VRK2: variants seen among roughly 807,000 people sequenced by gnomAD.
VRK2 encodes the protein VRK serine/threonine kinase 2.
Under a neutral mutation model 57.6 loss-of-function variants are expected in VRK2, and 60 were observed. The observed-to-expected ratio is 1.04, with a 90% CI of 0.85 to 1.29. The LOEUF (loss-of-function observed/expected upper bound fraction) is 1.29. VRK2 is among the 50% of genes most tolerant of loss of function. The pLI, the probability that VRK2 is intolerant of heterozygous loss-of-function variation, is 0.00. For missense variants in VRK2, 705 were observed against 588.1 expected (o/e 1.20, Z -2.06); for synonymous variants, 231 against 199.2 (o/e 1.16, Z -1.35).
intron 1 of VRK2, among the ~76,000 whole-genome samples, chr2:57,950,732 T>C (rs1671400994): frequency 6.6e-6 from 1 of 152,204 alleles, no homozygotes; most frequent in Non-Finnish European, 1.5e-5. Flanking sequence ...GTGATTCTTC[T>C]GATGAATCCG....
At chr2:58,137,224 C>CATATATATGATACACATGTATCATAT (rs147019487) in intron 10 of VRK2, among the ~76,000 whole-genome samples, 1 of 65,146 alleles carries the variant, frequency 1.5e-5, no homozygotes, top group African/African-American at 8.4e-5. Flanking sequence ...ACATATATAT[C>CATATATATGATACACATGTATCATAT]ATATGATACA....
chr2:58,123,263 T>C (rs772738576), intron 8 of VRK2, 30 bp downstream of exon 8: 2 of 1,571,308 alleles, frequency 1.3e-6, no homozygotes, highest in Non-Finnish European at 8.6e-7. Flanking sequence ...TTCTTATTTT[T>C]ATTTCAGAAG....
At chr2:58,047,132 G>T in intron 1 of VRK2, 2 of 363,370 alleles carry the variant, frequency 5.5e-6, no homozygotes, top group Non-Finnish European at 7.7e-6. Flanking sequence ...CGGAAAAGTG[G>T]GTGGAGTTTC....
At chr2:58,095,186 C>T (rs963925236) in intron 7 of VRK2, among the ~76,000 whole-genome samples, 3 of 149,916 alleles carry the variant, frequency 2.0e-5, no homozygotes, top group Non-Finnish European at 4.4e-5. Context: ...CCCAGCCACT[C>T]GGGAGGCTGA....
At chr2:58,144,242 C>G (rs926308441) in intron 11 of VRK2, among the ~76,000 whole-genome samples, 7 of 151,686 alleles carry the variant, frequency 4.6e-5, no homozygotes, top group Non-Finnish European at 8.8e-5. Flanking sequence ...CGGGATGAGA[C>G]CTGGGGAAAA....
chr2:57,996,772 T>C (rs927959938), intron 1 of VRK2, among the ~76,000 whole-genome samples: 11 of 152,250 alleles, frequency 7.2e-5, no homozygotes, highest in African/African-American at 2.6e-4. Context: ...TTGTATAAAA[T>C]GGCATGGTAT....
At chr2:57,978,217 A>G (rs1360065195) in intron 1 of VRK2, among the ~76,000 whole-genome samples, 2 of 151,226 alleles carry the variant, frequency 1.3e-5, no homozygotes, top group Non-Finnish European at 1.5e-5. Context: ...ACCACTCAGT[A>G]TGAAGTTCGG....
At chr2:58,059,433 T>G (rs1020497447) in intron 2 of VRK2, among the ~76,000 whole-genome samples, 1 of 151,862 alleles carries the variant, frequency 6.6e-6, no homozygotes, top group African/African-American at 2.4e-5. Context: ...AATAGATACC[T>G]TTATAAATAT....
In VRK2 at chr2:58,048,818, T is replaced by G. The variant is rs966723507; in HGVS notation, c.-5-9T>G. The G allele has an allele frequency of 2.5e-6, 4 of 1,612,578 alleles. No individual in the cohort carries two copies. The highest frequency in any genetic ancestry group is 1.1e-5 in the South Asian group (1 of 90,944). On this transcript the variant is annotated splice_polypyrimidine_tract_variant and intron_variant, in intron 1 of 12. Transcript: ENST00000340157. ...TTTTACCCATTTATCTCACCCCTTC[T>G]GCCAACAGAAGTGATGCCACCAAAA... is the stretch of plus-strand genomic sequence containing the variant.
intron 1 of VRK2, among the ~76,000 whole-genome samples, chr2:57,937,954 C>T (rs963043777): frequency 6.6e-6 from 1 of 151,760 alleles, no homozygotes; most frequent in Non-Finnish European, 1.5e-5. Flanking sequence ...GCCTCAGCCT[C>T]CCAAGTAGCT....
chr2:58,079,682 A>G (rs1170397958), intron 2 of VRK2, among the ~76,000 whole-genome samples: 1 of 152,116 alleles, frequency 6.6e-6, no homozygotes, highest in African/African-American at 2.4e-5. Flanking sequence ...AACCGTGATT[A>G]CTTTTGCACC....
At chr2:58,113,854 C>T (rs558359213) in intron 7 of VRK2, among the ~76,000 whole-genome samples, 2 of 152,144 alleles carry the variant, frequency 1.3e-5, no homozygotes, top group East Asian at 3.9e-4. Context: ...GGCTCAGAGG[C>T]CTGACATTCC....
chr2:57,994,768 T>C (rs1672875494), intron 1 of VRK2, among the ~76,000 whole-genome samples: 1 of 152,214 alleles, frequency 6.6e-6, no homozygotes, highest in Non-Finnish European at 1.5e-5. Context: ...AAACATTTTT[T>C]AGTTCACTTT....
At chr2:58,114,891 G>A (rs191869443) in intron 7 of VRK2, among the ~76,000 whole-genome samples, 98 of 152,250 alleles carry the variant, frequency 6.4e-4, no homozygotes, top group African/African-American at 2.4e-3. Flanking sequence ...TAGACTAAGA[G>A]CTATTTTAGT....
intron 1 of VRK2, among the ~76,000 whole-genome samples, chr2:57,942,169 G>A (rs1671116588): frequency 6.6e-6 from 1 of 152,174 alleles, no homozygotes; most frequent in Non-Finnish European, 1.5e-5. Context: ...GATTCCAGAA[G>A]AGGTTTCCTA....
chr2:58,148,733 CAT>C (rs1446542407), intron 12 of VRK2, among the ~76,000 whole-genome samples: 2 of 151,568 alleles, frequency 1.3e-5, no homozygotes, highest in African/African-American at 4.8e-5. Flanking sequence ...TTCTCTTTTT[CAT>C]ATAGTTTGCA....
chr2:57,992,630 G>C (rs1366349951), intron 1 of VRK2, among the ~76,000 whole-genome samples: 2 of 151,908 alleles, frequency 1.3e-5, no homozygotes. Flanking sequence ...TCCGCTTCCC[G>C]GGTTCACGCC....
rs550364579 is a variant in VRK2, at chr2:58,019,169, A to G, written c.-438-6496A>G. 1.2e-4 allele frequency among the ~76,000 whole-genome samples: 19 copies of G among 152,358 alleles called. No homozygotes were observed. The South Asian group carries it at 2.7e-3, about 22-fold the overall frequency. ...TTCTCAAAAAATATTTGTGGAATTAACTGCTGAATAATGTGACCACGTTAA... is the reference window on the plus strand; with the variant it reads ...TTCTCAAAAAATATTTGTGGAATTAGCTGCTGAATAATGTGACCACGTTAA... On this transcript the variant is annotated intron_variant, in intron 1 of 15. Transcript: ENST00000417641.
chr2:58,074,140 A>G (rs769236435), intron 2 of VRK2, among the ~76,000 whole-genome samples: 5 of 152,078 alleles, frequency 3.3e-5, no homozygotes, highest in Admixed American at 2.0e-4. Flanking sequence ...AGCATGATAG[A>G]TCTTTCTTTG....
Sources: allele counts gnomAD v4.1 joint callset (sites outside exome capture counted in the v4.1 genomes callset), GRCh38; gene constraint gnomAD v4.1.1; transcripts MANE v1.5; gene names NCBI Gene and HGNC (gene_info 2026-07-23, HGNC 2026-07-21).